The following DAGLA variants were observed in gnomAD, a reference collection of about 807,000 sequenced individuals.
The protein encoded by DAGLA is diacylglycerol lipase alpha.
DAGLA carries 22 observed loss-of-function variants against 102.6 expected under a neutral mutation model. The observed-to-expected ratio is 0.21, with a 90% CI of 0.15 to 0.31. The LOEUF (loss-of-function observed/expected upper bound fraction) is 0.31, where lower values mean the gene tolerates loss of function less well. Ranked by LOEUF, DAGLA falls within the 10% of genes least tolerant of loss-of-function variation. The pLI is 1.00. For missense variants in DAGLA, 927 were observed against 1,446.6 expected, an observed-to-expected ratio of 0.64 and a Z score of 5.83; for synonymous variants, 578 against 628.9, an observed-to-expected ratio of 0.92 and a Z score of 1.21.
At chr11:61,697,649 C>T (rs1031707810) in intron 1 of DAGLA, among the ~76,000 whole-genome samples, 2 of 152,136 alleles carry the variant, frequency 1.3e-5, no homozygotes, top group African/African-American at 4.8e-5. Flanking sequence ...GGTTCCTTCC[C>T]ACTCAGATAT....
chr11:61,733,157 G>A (rs1161963487), intron 9 of DAGLA, among the ~76,000 whole-genome samples: 1 of 152,268 alleles, frequency 6.6e-6, no homozygotes, highest in Non-Finnish European at 1.5e-5. Flanking sequence ...AGAGGAAACT[G>A]AGGCTTAGAA....
chr11:61,707,585 A>T (rs2065159849), intron 1 of DAGLA, among the ~76,000 whole-genome samples: 1 of 152,256 alleles, frequency 6.6e-6, no homozygotes, highest in Admixed American at 6.5e-5. Context: ...AGAAGCATGC[A>T]GGAAAGTGGG....
At chr11:61,718,508 C>T (rs1591039937) in intron 1 of DAGLA, among the ~76,000 whole-genome samples, 1 of 151,958 alleles carries the variant, frequency 6.6e-6, no homozygotes, top group African/African-American at 2.4e-5. Context: ...CCTGTCCTAT[C>T]GTGTCCAACC....
intron 1 of DAGLA, among the ~76,000 whole-genome samples, chr11:61,705,678 A>G (rs192811859): frequency 1.4e-4 from 22 of 152,324 alleles, no homozygotes; most frequent in Admixed American, 1.3e-3. Context: ...GGCTGGCACC[A>G]TGTCGGCTTT....
intron 1 of DAGLA, among the ~76,000 whole-genome samples, chr11:61,688,599 C>T (rs904468885): frequency 2.1e-4 from 32 of 152,300 alleles, no homozygotes; most frequent in African/African-American, 6.3e-4. Context: ...TCCTTGGAGG[C>T]GGTCCCTCCC....
intron 1 of DAGLA, among the ~76,000 whole-genome samples, chr11:61,711,977 C>T (rs145552164): frequency 7.5e-4 from 114 of 152,322 alleles, no homozygotes; most frequent in African/African-American, 2.5e-3. Flanking sequence ...TTAAAGTAAC[C>T]AGCATGTAGT....
At chr11:61,741,089 T>C in intron 18 of DAGLA, 73 bp from the exon 19 acceptor site, 1 of 1,435,414 alleles carries the variant, frequency 7.0e-7, no homozygotes, top group Non-Finnish European at 9.4e-7. Context: ...GCCTGGGCCC[T>C]GGCTCCACAT....
chr11:61,682,853 G>GT (rs201936572), intron 1 of DAGLA, among the ~76,000 whole-genome samples: 2 of 150,940 alleles, frequency 1.3e-5, no homozygotes, highest in East Asian at 1.9e-4. Context: ...CAGGGGGACG[G>GT]GGGGGGGAGG....
chr11:61,699,800 A>G (rs1421160002), intron 1 of DAGLA, among the ~76,000 whole-genome samples: 5 of 152,134 alleles, frequency 3.3e-5, no homozygotes, highest in Non-Finnish European at 5.9e-5. Context: ...CCCGAATGCC[A>G]CCCCATAGGG....
rs555008444 is a variant in DAGLA at position 61,716,680 on chromosome 11, G to A, written c.-44-3432G>A. 3.2e-4 allele frequency among the ~76,000 whole-genome samples: 48 copies of A among 152,322 alleles called. No homozygotes were observed. In the South Asian group the frequency reaches 3.5e-3, roughly 11 times the overall value. ...TGAGGTTGCACCGCCTGTCGCTGCC[G>A]CCCGAGGGGCTTGGACTTTGTCCTG... On this transcript the variant is annotated intron_variant, in intron 1 of 19. Coordinates refer to ENST00000257215, the MANE Select transcript of DAGLA (RefSeq NM_006133.3).
At chr11:61,733,795 T>C (rs2065398430) in intron 9 of DAGLA, among the ~76,000 whole-genome samples, 1 of 152,118 alleles carries the variant, frequency 6.6e-6, no homozygotes, top group Admixed American at 6.5e-5. Context: ...ATAGGGCACA[T>C]GGTGGAGCGG....
intron 13 of DAGLA, 53 bp downstream of exon 13, chr11:61,736,403 C>A: frequency 2.1e-6 from 3 of 1,408,758 alleles, no homozygotes; most frequent in Non-Finnish European, 3.0e-6. Context: ...CCCCCTCCTC[C>A]AACGCAGCAC....
intron 16 of DAGLA, among the ~76,000 whole-genome samples, chr11:61,738,891 G>A (rs1055892642): frequency 1.7e-4 from 25 of 148,470 alleles, no homozygotes; most frequent in Admixed American, 3.3e-4. Context: ...CGTCTGGACC[G>A]TTCCCAGCTT....
chr11:61,700,815 C>T (rs913078714), intron 1 of DAGLA, among the ~76,000 whole-genome samples: 2 of 152,190 alleles, frequency 1.3e-5, no homozygotes, highest in Non-Finnish European at 2.9e-5. Flanking sequence ...CCAGCCTGAA[C>T]GGCACTGCCA....
In DAGLA at chr11:61,739,568, G is replaced by T; in HGVS notation, c.1760G>T (p.Ser587Ile). ...AGCACGCGGCTCTGGACCCACCCCA[G>T]CGACCTAACTATAGCCCTCTCAGCC... ...LASTRLWTHP[S>I]DLTIALSAST... The change falls in exon 17 of 20, where the codon AGC becomes ATC. Residue 587 changes from serine to isoleucine, a missense_variant. Coordinates refer to ENST00000257215, the MANE Select transcript of DAGLA (RefSeq NM_006133.3). The T allele has an allele frequency of 6.2e-7, 1 of 1,613,932 alleles. No homozygotes were observed. The highest frequency in any genetic ancestry group is 8.5e-7 in the Non-Finnish European group (1 of 1,179,968).
intron 16 of DAGLA, among the ~76,000 whole-genome samples, chr11:61,738,881 C>T (rs1315822622): frequency 6.6e-6 from 1 of 152,178 alleles, no homozygotes; most frequent in African/African-American, 2.4e-5. Context: ...ATCTCAGCCC[C>T]GTCTGGACCG....
At chr11:61,721,330 G>T (rs770197286) in intron 3 of DAGLA, among the ~76,000 whole-genome samples, 1 of 152,166 alleles carries the variant, frequency 6.6e-6, no homozygotes. Flanking sequence ...GGAGGCAGAG[G>T]TTGCAGTGAG....
At chr11:61,739,402 C>T in intron 16 of DAGLA, 63 bp from the exon 17 acceptor site, 1 of 1,452,068 alleles carries the variant, frequency 6.9e-7, no homozygotes, top group South Asian at 1.2e-5. Flanking sequence ...GGTCCCCCTG[C>T]CCCTGCCCCC....
chr11:61,724,000 A>T (rs923157374), intron 5 of DAGLA, among the ~76,000 whole-genome samples: 4 of 152,192 alleles, frequency 2.6e-5, no homozygotes, highest in African/African-American at 7.2e-5. Context: ...GTACAGAGAG[A>T]TGATGGGACT....
Sources: gnomAD v4.1 joint callset for allele counts (sites outside exome capture counted in the v4.1 genomes callset) on GRCh38, gnomAD v4.1.1 for gene constraint, MANE v1.5 for transcripts, NCBI Gene and HGNC (gene_info 2026-07-23, HGNC 2026-07-21) for gene names.